NEGR1: variants seen among roughly 807,000 people sequenced by gnomAD.
The protein encoded by NEGR1 is neuronal growth regulator 1, also known as IgLON family member 4.
In NEGR1, 10 loss-of-function variants were observed where a neutral mutation model predicts 40.9. The observed-to-expected ratio is 0.24, with a 90% confidence interval of 0.15 to 0.42. The LOEUF is 0.42. Among genes scored for constraint, NEGR1 ranks in the 10% least tolerant of loss-of-function variants. NEGR1 has a pLI of 1.00. For missense variants in NEGR1, 352 were observed against 438.9 expected (o/e 0.80, Z 1.77); for synonymous variants, 185 against 166.8 (o/e 1.11, Z -0.84).
At chr1:71,670,556 T>G (rs1652385562) in intron 4 of NEGR1, among the ~76,000 whole-genome samples, 1 of 150,756 alleles carries the variant, frequency 6.6e-6, no homozygotes, top group African/African-American at 2.5e-5. Context: ...GTTGTAACAG[T>G]TTTTTACTTT....
At chr1:71,786,532 G>T (rs954903124) in intron 2 of NEGR1, among the ~76,000 whole-genome samples, 2 of 152,110 alleles carry the variant, frequency 1.3e-5, no homozygotes, top group African/African-American at 4.8e-5. Flanking sequence ...CCACAGCAAG[G>T]GTTAGTATTT....
At chr1:71,427,422 A>G (rs1372178289) in intron 6 of NEGR1, among the ~76,000 whole-genome samples, 2 of 152,206 alleles carry the variant, frequency 1.3e-5, no homozygotes, top group Non-Finnish European at 2.9e-5. Context: ...GTACACTCCA[A>G]TCTATTTGGA....
chr1:71,710,615 G>A (rs192708959), intron 3 of NEGR1, among the ~76,000 whole-genome samples: 23 of 152,216 alleles, frequency 1.5e-4, no homozygotes, highest in Admixed American at 1.0e-3. Flanking sequence ...AGTGAAATAT[G>A]CCAGGCACAG....
intron 6 of NEGR1, among the ~76,000 whole-genome samples, chr1:71,435,413 A>G (rs1646502529): frequency 6.6e-6 from 1 of 152,182 alleles, no homozygotes. Flanking sequence ...AACGAGAGAA[A>G]CAGGTTCTGC....
intron 4 of NEGR1, among the ~76,000 whole-genome samples, chr1:71,674,252 T>A (rs374382231): frequency 6.6e-6 from 1 of 152,132 alleles, no homozygotes; most frequent in Non-Finnish European, 1.5e-5. Context: ...AAAATCAACA[T>A]CTATCACCAT....
intron 1 of NEGR1, among the ~76,000 whole-genome samples, chr1:72,248,051 G>A (rs1654958223): frequency 6.6e-6 from 1 of 152,104 alleles, no homozygotes; most frequent in African/African-American, 2.4e-5. Context: ...TAGCTTTTGT[G>A]AGAAGTTGCT....
chr1:72,023,175 A>G (rs946180498), intron 1 of NEGR1, among the ~76,000 whole-genome samples: 1 of 152,146 alleles, frequency 6.6e-6, no homozygotes, highest in African/African-American at 2.4e-5. Flanking sequence ...GTTATTAAAG[A>G]AAGCAGACAT....
At chr1:71,715,705 T>C (rs923901230) in intron 3 of NEGR1, among the ~76,000 whole-genome samples, 1 of 152,186 alleles carries the variant, frequency 6.6e-6, no homozygotes, top group African/African-American at 2.4e-5. Flanking sequence ...TAGCAAGAGT[T>C]GCCTTTATTA....
At chr1:72,083,522 C>T (rs1648087387) in intron 1 of NEGR1, among the ~76,000 whole-genome samples, 2 of 152,062 alleles carry the variant, frequency 1.3e-5, no homozygotes, top group African/African-American at 4.8e-5. Context: ...CTATGCCCAG[C>T]TCTCTCTGTT....
intron 6 of NEGR1, among the ~76,000 whole-genome samples, chr1:71,444,337 T>G (rs1244446005): frequency 6.6e-6 from 1 of 152,182 alleles, no homozygotes; most frequent in Non-Finnish European, 1.5e-5. Context: ...CAAATGCACT[T>G]TTAGATAATA....
At chr1:72,063,447 G>A (rs867768240) in intron 1 of NEGR1, among the ~76,000 whole-genome samples, 6 of 151,776 alleles carry the variant, frequency 4.0e-5, no homozygotes, top group African/African-American at 9.7e-5. Context: ...CTATTAGGTC[G>A]GTGCACAAGT....
intron 6 of NEGR1, among the ~76,000 whole-genome samples, chr1:71,517,370 T>C (rs1397558895): frequency 3.6e-5 from 2 of 54,830 alleles, no homozygotes; most frequent in African/African-American, 8.5e-5. Flanking sequence ...TCAAAAAGCT[T>C]ATCCACCATG....
rs1180110033 is a variant in NEGR1 at position 72,149,879 on chromosome 1, CAAAAAAAAAAAA to C, written c.176+132428_176+132439del. Among the ~76,000 whole-genome samples the C allele has an allele frequency of 4.9e-3, 194 of 39,368 alleles. 1 individual carries two copies. The highest frequency in any genetic ancestry group is 0.015 in the Admixed American group (44 of 2,988). 25.8% of individuals were successfully genotyped at this position (39,368 alleles called of 152,430 possible). ...CTGGGCAACAAGAACAAAACTCTGT[CAAAAAAAAAAAA>C]AAAAAAAAAAGAAAGAAAGAAAGAA... On this transcript the variant is annotated intron_variant, in intron 1 of 6. Transcript: ENST00000357731.
chr1:71,554,816 G>A (rs1648203439), intron 6 of NEGR1, among the ~76,000 whole-genome samples: 1 of 151,434 alleles, frequency 6.6e-6, no homozygotes, highest in Non-Finnish European at 1.5e-5. Context: ...AATCCGAGGT[G>A]CCTTGCAGGT....
intron 6 of NEGR1, among the ~76,000 whole-genome samples, chr1:71,483,129 G>A (rs931511237): frequency 2.6e-5 from 4 of 151,500 alleles, no homozygotes; most frequent in Non-Finnish European, 3.0e-5. Context: ...TTGCAGACAG[G>A]GAAACAGCCA....
chr1:72,002,221 G>A (rs1646563728), intron 1 of NEGR1, among the ~76,000 whole-genome samples: 1 of 151,900 alleles, frequency 6.6e-6, no homozygotes, highest in Admixed American at 6.6e-5. Context: ...GCAATAAGGG[G>A]AGAAAATAAG....
At chr1:71,894,404 GC>G (rs1441690864) in intron 2 of NEGR1, among the ~76,000 whole-genome samples, 32 of 152,226 alleles carry the variant, frequency 2.1e-4, no homozygotes, top group Admixed American at 2.0e-3. Flanking sequence ...AAAGTGAGTA[GC>G]AATTCATAAT....
chr1:71,994,839 A>G (rs2100366328), intron 1 of NEGR1, among the ~76,000 whole-genome samples: 1 of 152,092 alleles, frequency 6.6e-6, no homozygotes, highest in East Asian at 1.9e-4. Context: ...CCAGAGACAT[A>G]AGGCCTCATG....
At chr1:72,139,524 T>C (rs1650593480) in intron 1 of NEGR1, among the ~76,000 whole-genome samples, 1 of 152,008 alleles carries the variant, frequency 6.6e-6, no homozygotes, top group Non-Finnish European at 1.5e-5. Context: ...TGCCAACAAA[T>C]TTAACAAGTT....
Sources: gnomAD v4.1 joint callset for allele counts (sites outside exome capture counted in the v4.1 genomes callset) on GRCh38, gnomAD v4.1.1 for gene constraint, MANE v1.5 for transcripts, NCBI Gene and HGNC (gene_info 2026-07-23, HGNC 2026-07-21) for gene names.